Variants in SASH1 observed in about 807,000 individuals in gnomAD.
SASH1 encodes SAM and SH3 domain-containing protein 1.
SASH1 carries 44 observed loss-of-function variants against 125.2 expected under a neutral mutation model. The ratio of observed to expected loss-of-function variants is 0.35; its 90% confidence interval spans 0.28 to 0.45. SASH1 has a LOEUF of 0.45. Among genes scored for constraint, SASH1 ranks in the 20% least tolerant of loss-of-function variants. SASH1 has a pLI of 1.00. For synonymous variants in SASH1, 639 were observed against 649.1 expected, an observed-to-expected ratio of 0.98 and a Z score of 0.24; for missense variants, 1,426 against 1,614.5, an observed-to-expected ratio of 0.88 and a Z score of 2.00.
chr6:148,194,115 T>C, the SASH1 span, among the ~76,000 whole-genome samples: 2 of 152,206 alleles, frequency 1.3e-5, no homozygotes, highest in Non-Finnish European at 2.9e-5. Flanking sequence ...CTGAACATAT[T>C]CGTACCTGCC....
intron 2 of SASH1, among the ~76,000 whole-genome samples, chr6:148,429,385 T>TAAAAAAAAAAAA (rs61460366): frequency 2.7e-5 from 2 of 73,938 alleles, no homozygotes; most frequent in Non-Finnish European, 4.8e-5. Context: ...CCCTGTCTCT[T>TAAAAAAAAAAAA]AAAAAAAAAA....
chr6:148,194,276 C>T, the SASH1 span, among the ~76,000 whole-genome samples: 2 of 152,130 alleles, frequency 1.3e-5, no homozygotes, highest in Non-Finnish European at 2.9e-5. Context: ...GTCCCTCTAT[C>T]CAAACAACCC....
intron 4 of SASH1, among the ~76,000 whole-genome samples, chr6:148,462,391 G>A (rs1203674659): frequency 6.6e-6 from 1 of 151,562 alleles, no homozygotes; most frequent in Non-Finnish European, 1.5e-5. Flanking sequence ...TTTATGCTTG[G>A]CCATTCATTG....
At chr6:148,259,249 C>T in the SASH1 span, among the ~76,000 whole-genome samples, 1 of 152,176 alleles carries the variant, frequency 6.6e-6, no homozygotes, top group African/African-American at 2.4e-5. Context: ...AGAGTTAATC[C>T]TCACACTCAA....
chr6:148,204,001 G>C, the SASH1 span, among the ~76,000 whole-genome samples: 1 of 152,186 alleles, frequency 6.6e-6, no homozygotes, highest in East Asian at 1.9e-4. Flanking sequence ...TTTGTTGACT[G>C]ATGACAGCTG....
chr6:148,440,126 C>G, intron 2 of SASH1, 58 bp from the exon 3 acceptor site: 2 of 1,526,446 alleles, frequency 1.3e-6, no homozygotes, highest in Non-Finnish European at 1.8e-6. Context: ...GTCTATTTGT[C>G]TTTCTCGCGT....
chr6:148,537,929 T>G (rs1781963716), intron 16 of SASH1, among the ~76,000 whole-genome samples: 1 of 152,072 alleles, frequency 6.6e-6, no homozygotes, highest in African/African-American at 2.4e-5. Flanking sequence ...CCTCACAACC[T>G]AGCACTTTGC....
the SASH1 span, among the ~76,000 whole-genome samples, chr6:148,245,790 A>G: frequency 6.6e-6 from 1 of 152,012 alleles, no homozygotes; most frequent in Non-Finnish European, 1.5e-5. Flanking sequence ...GATCGAGACC[A>G]TCCTGGCTAA....
intron 1 of SASH1, among the ~76,000 whole-genome samples, chr6:148,384,160 A>C (rs1713396800): frequency 6.6e-6 from 1 of 151,750 alleles, no homozygotes; most frequent in Non-Finnish European, 1.5e-5. Flanking sequence ...TTTCAAAGAC[A>C]GGGGTGGGAA....
At chr6:148,259,255 C>T in the SASH1 span, among the ~76,000 whole-genome samples, 1 of 152,206 alleles carries the variant, frequency 6.6e-6, no homozygotes, top group African/African-American at 2.4e-5. Context: ...AATCCTCACA[C>T]TCAAGGCATT....
intron 2 of SASH1, among the ~76,000 whole-genome samples, chr6:148,421,313 AT>A: frequency 6.6e-6 from 1 of 152,058 alleles, no homozygotes; most frequent in Middle Eastern, 3.4e-3. Flanking sequence ...TTTATTTATT[AT>A]TTTTTCTGAG....
chr6:148,241,102 A>T, the SASH1 span, among the ~76,000 whole-genome samples: 1 of 152,216 alleles, frequency 6.6e-6, no homozygotes, highest in Admixed American at 6.5e-5. Context: ...GGGAAAAAAA[A>T]TATCCACTGG....
intron 4 of SASH1, among the ~76,000 whole-genome samples, chr6:148,462,547 A>G (rs577810254): frequency 1.3e-5 from 2 of 152,220 alleles, no homozygotes; most frequent in East Asian, 3.9e-4. Flanking sequence ...CTAGAAGCAG[A>G]TAGGGGGGTC....
chr6:148,379,086 G>A (rs113049381), intron 1 of SASH1, among the ~76,000 whole-genome samples: 3 of 152,288 alleles, frequency 2.0e-5, no homozygotes, highest in African/African-American at 7.2e-5. Flanking sequence ...AATCTCTGTG[G>A]TTTGGTTTTC....
intron 1 of SASH1, among the ~76,000 whole-genome samples, chr6:148,313,761 T>A (rs930518249): frequency 3.3e-5 from 5 of 152,148 alleles, no homozygotes; most frequent in African/African-American, 4.8e-5. Context: ...GGAATGGAAT[T>A]AGATACTGCT....
At chr6:148,372,142 A>G (rs1244601220) in intron 1 of SASH1, among the ~76,000 whole-genome samples, 1 of 152,188 alleles carries the variant, frequency 6.6e-6, no homozygotes, top group African/African-American at 2.4e-5. Context: ...TGAATCCAGA[A>G]ACACTAGCAT....
chr6:148,453,088 T>C (rs1210762761), intron 4 of SASH1, among the ~76,000 whole-genome samples: 1 of 152,188 alleles, frequency 6.6e-6, no homozygotes, highest in Non-Finnish European at 1.5e-5. Context: ...TGTTCCCAAC[T>C]GGAAACTCCG....
the SASH1 span, among the ~76,000 whole-genome samples, chr6:148,255,663 G>T: frequency 1.3e-5 from 2 of 151,940 alleles, no homozygotes; most frequent in African/African-American, 2.4e-5. Flanking sequence ...TTTGAGACAG[G>T]GTCTTTCCCC....
the SASH1 span, among the ~76,000 whole-genome samples, chr6:148,256,401 C>T: frequency 1.6e-4 from 24 of 152,122 alleles, no homozygotes; most frequent in African/African-American, 5.6e-4. Context: ...TTTGACTCTT[C>T]TAAAGATTGT....
Sources: gnomAD v4.1 joint callset for allele counts (sites outside exome capture counted in the v4.1 genomes callset) on GRCh38, gnomAD v4.1.1 for gene constraint, MANE v1.5 for transcripts, NCBI Gene and HGNC (gene_info 2026-07-23, HGNC 2026-07-21) for gene names.